The following LUZP2 variants were observed in gnomAD, a reference collection of about 807,000 sequenced individuals.
The protein encoded by LUZP2 is leucine zipper protein 2.
A neutral mutation model predicts 51.6 loss-of-function variants in LUZP2; 52 were observed. That is an observed-to-expected ratio of 1.01 (90% confidence interval 0.81 to 1.27). LUZP2 has a LOEUF of 1.27. Ranked by LOEUF, LUZP2 falls within the 50% of genes most tolerant of loss-of-function variation. LUZP2 has a pLI of 0.00. For missense variants in LUZP2, 436 were observed against 395.4 expected, an observed-to-expected ratio of 1.10 and a Z score of -0.87; for synonymous variants, 154 against 137.3, an observed-to-expected ratio of 1.12 and a Z score of -0.85.
At chr11:24,687,169 T>C (rs1856921637) in intron 1 of LUZP2, among the ~76,000 whole-genome samples, 1 of 152,184 alleles carries the variant, frequency 6.6e-6, no homozygotes, top group African/African-American at 2.4e-5. Flanking sequence ...CCCTAACATT[T>C]TGATTTAAAA....
At chr11:24,536,985 G>A (rs1244369426) in intron 1 of LUZP2, among the ~76,000 whole-genome samples, 1 of 151,794 alleles carries the variant, frequency 6.6e-6, no homozygotes, top group African/African-American at 2.4e-5. Flanking sequence ...CCCAAGGAGG[G>A]GGAGAAAGAC....
intron 7 of LUZP2, among the ~76,000 whole-genome samples, chr11:24,915,799 A>C (rs1853772318): frequency 1.3e-5 from 2 of 151,992 alleles, no homozygotes; most frequent in African/African-American, 4.8e-5. Context: ...GCCATTAAAA[A>C]AAAATGGTAA....
At chr11:25,026,168 G>C (rs1271781695) in intron 9 of LUZP2, among the ~76,000 whole-genome samples, 1 of 151,352 alleles carries the variant, frequency 6.6e-6, no homozygotes, top group African/African-American at 2.4e-5. Flanking sequence ...GGGAGGGATA[G>C]CATTAGGAGA....
intron 9 of LUZP2, among the ~76,000 whole-genome samples, chr11:25,002,837 C>T (rs1398096912): frequency 6.6e-6 from 1 of 152,016 alleles, no homozygotes; most frequent in African/African-American, 2.4e-5. Context: ...TATTTCTGAC[C>T]CTGGTTCCCA....
intron 1 of LUZP2, among the ~76,000 whole-genome samples, chr11:24,626,164 C>T (rs772508896): frequency 3.3e-5 from 5 of 152,002 alleles, no homozygotes; most frequent in Non-Finnish European, 7.4e-5. Flanking sequence ...GGTGATTCAT[C>T]AACAAATGGC....
chr11:24,937,550 T>C (rs1854619066), intron 7 of LUZP2, among the ~76,000 whole-genome samples: 2 of 152,186 alleles, frequency 1.3e-5, no homozygotes, highest in South Asian at 4.1e-4. Context: ...TCACAAGAAA[T>C]TACCAGCTTA....
At chr11:25,038,034 T>G (rs1857918997) in intron 9 of LUZP2, among the ~76,000 whole-genome samples, 1 of 152,054 alleles carries the variant, frequency 6.6e-6, no homozygotes, top group Non-Finnish European at 1.5e-5. Context: ...AATTTTCACG[T>G]ATTGAGAGAG....
At chr11:25,047,082 A>G (rs1466000931) in intron 9 of LUZP2, among the ~76,000 whole-genome samples, 1 of 152,170 alleles carries the variant, frequency 6.6e-6, no homozygotes, top group African/African-American at 2.4e-5. Context: ...AACAAAATAC[A>G]TTGAAATTGT....
At chr11:24,685,415 C>T (rs1238005043) in intron 1 of LUZP2, among the ~76,000 whole-genome samples, 2 of 152,052 alleles carry the variant, frequency 1.3e-5, no homozygotes, top group African/African-American at 4.8e-5. Flanking sequence ...TTACCTCTAC[C>T]CCACATACAC....
At chr11:25,033,652 A>C (rs1857767738) in intron 9 of LUZP2, among the ~76,000 whole-genome samples, 1 of 152,114 alleles carries the variant, frequency 6.6e-6, no homozygotes, top group South Asian at 2.1e-4. Flanking sequence ...GTTAGCTCCT[A>C]CTTATAAGTG....
At chr11:25,015,747 A>C (rs1857130840) in intron 9 of LUZP2, among the ~76,000 whole-genome samples, 1 of 152,126 alleles carries the variant, frequency 6.6e-6, no homozygotes, top group Non-Finnish European at 1.5e-5. Flanking sequence ...TCTCTTGGTT[A>C]AAATAGTGTC....
chr11:24,918,675 A>C (rs1853885244), intron 7 of LUZP2, among the ~76,000 whole-genome samples: 1 of 151,612 alleles, frequency 6.6e-6, no homozygotes, highest in African/African-American at 2.4e-5. Context: ...TCATTGAAGA[A>C]AAATTTCAAA....
chr11:24,906,588 A>G (rs926259643), intron 6 of LUZP2, among the ~76,000 whole-genome samples: 1 of 152,184 alleles, frequency 6.6e-6, no homozygotes, highest in Admixed American at 6.5e-5. Flanking sequence ...ATTTTTCTAT[A>G]TTTCTCATCT....
chr11:24,746,762 T>C (rs1049380211), intron 4 of LUZP2, among the ~76,000 whole-genome samples: 2 of 152,206 alleles, frequency 1.3e-5, no homozygotes, highest in African/African-American at 4.8e-5. Flanking sequence ...ATTCTTTTTT[T>C]CTTTGTCTTT....
intron 1 of LUZP2, among the ~76,000 whole-genome samples, chr11:24,563,990 G>A (rs949493945): frequency 6.6e-6 from 1 of 152,136 alleles, no homozygotes; most frequent in Non-Finnish European, 1.5e-5. Flanking sequence ...GGAAAAGTAA[G>A]TTAGCTGCCC....
chr11:24,705,009 A>G (rs904145514), intron 1 of LUZP2, among the ~76,000 whole-genome samples: 2 of 152,160 alleles, frequency 1.3e-5, no homozygotes, highest in Non-Finnish European at 2.9e-5. Flanking sequence ...ACACATACAC[A>G]CATTTACTTG....
intron 7 of LUZP2, among the ~76,000 whole-genome samples, chr11:24,935,347 T>C (rs1423736814): frequency 1.3e-5 from 2 of 152,192 alleles, no homozygotes; most frequent in Non-Finnish European, 2.9e-5. Flanking sequence ...TGAAGTTGCC[T>C]GGGCTACTGG....
At chr11:24,818,713 C>T (rs1296989918) in intron 5 of LUZP2, among the ~76,000 whole-genome samples, 1 of 152,020 alleles carries the variant, frequency 6.6e-6, no homozygotes, top group African/African-American at 2.4e-5. Context: ...GACATTTCTT[C>T]TGCTTATCTA....
chr11:24,502,066 G>A (rs1384273825), intron 1 of LUZP2, among the ~76,000 whole-genome samples: 1 of 147,630 alleles, frequency 6.8e-6, no homozygotes, highest in Non-Finnish European at 1.5e-5. Context: ...TACTTGAGAA[G>A]GTAACAGCCT....
Sources: gnomAD v4.1 joint callset for allele counts (sites outside exome capture counted in the v4.1 genomes callset) on GRCh38, gnomAD v4.1.1 for gene constraint, MANE v1.5 for transcripts, NCBI Gene and HGNC (gene_info 2026-07-23, HGNC 2026-07-21) for gene names.